The following MTSS1 variants were observed in gnomAD, a reference collection of about 807,000 sequenced individuals.
The protein encoded by MTSS1 is protein MTSS 1.
In MTSS1, 18 loss-of-function variants were observed where a neutral mutation model predicts 79.0. The observed-to-expected ratio is 0.23, with a 90% confidence interval of 0.16 to 0.34. The LOEUF is 0.34. Ranked by LOEUF, MTSS1 falls within the 10% of genes least tolerant of loss-of-function variation. The probability of loss-of-function intolerance (pLI) is 1.00; values close to 1 mark genes in which losing one functional copy is unlikely to be tolerated. For missense variants in MTSS1, 815 were observed against 986.2 expected, an observed-to-expected ratio of 0.83 and a Z score of 2.33; for synonymous variants, 341 against 368.6, an observed-to-expected ratio of 0.93 and a Z score of 0.86.
chr8:124,668,225 C>T (rs1204221323), intron 3 of MTSS1, among the ~76,000 whole-genome samples: 1 of 152,172 alleles, frequency 6.6e-6, no homozygotes, highest in African/African-American at 2.4e-5. Flanking sequence ...TGGTGATTCG[C>T]TTTTTGTTTT....
At chr8:124,714,378 C>T (rs1464358223) in intron 1 of MTSS1, among the ~76,000 whole-genome samples, 3 of 152,244 alleles carry the variant, frequency 2.0e-5, no homozygotes, top group Non-Finnish European at 4.4e-5. Context: ...CAGGGAAGGG[C>T]TTGCCCTCAC....
intron 9 of MTSS1, among the ~76,000 whole-genome samples, chr8:124,564,024 G>C (rs983817084): frequency 6.6e-6 from 1 of 151,522 alleles, no homozygotes; most frequent in Non-Finnish European, 1.5e-5. Context: ...GCAGCTACTT[G>C]GGAGGCCAAG....
chr8:124,667,194 G>A (rs916145095), intron 3 of MTSS1, among the ~76,000 whole-genome samples: 1 of 152,156 alleles, frequency 6.6e-6, no homozygotes, highest in Admixed American at 6.5e-5. Context: ...CTCCCCAGAG[G>A]ATGCAGAGCT....
intron 3 of MTSS1, among the ~76,000 whole-genome samples, chr8:124,605,902 T>C (rs1834748877): frequency 6.6e-6 from 1 of 152,106 alleles, no homozygotes; most frequent in Admixed American, 6.5e-5. Flanking sequence ...GAATGTTGTA[T>C]TCATTTTTTT....
intron 1 of MTSS1, among the ~76,000 whole-genome samples, chr8:124,715,412 C>T (rs1050052575): frequency 6.6e-6 from 1 of 151,418 alleles, no homozygotes; most frequent in Admixed American, 6.6e-5. Flanking sequence ...TCCATATTCC[C>T]TTTTAAACTG....
chr8:124,700,754 C>T (rs954665767), intron 2 of MTSS1, among the ~76,000 whole-genome samples: 6 of 152,098 alleles, frequency 3.9e-5, no homozygotes, highest in African/African-American at 1.4e-4. Flanking sequence ...CAAGCCAGGG[C>T]CATGGATTCC....
intron 1 of MTSS1, among the ~76,000 whole-genome samples, chr8:124,715,685 ATT>A (rs34773142): frequency 4.0e-5 from 6 of 150,314 alleles, no homozygotes; most frequent in Middle Eastern, 3.5e-3. Context: ...TTCCATAGCC[ATT>A]TTTTTTTTAA....
intron 1 of MTSS1, among the ~76,000 whole-genome samples, chr8:124,724,317 T>C (rs1405047003): frequency 6.6e-6 from 1 of 152,106 alleles, no homozygotes; most frequent in African/African-American, 2.4e-5. Context: ...GGAAAGAGGA[T>C]AGTGATGGCA....
chr8:124,570,398 T>C (rs1827492904), intron 6 of MTSS1, among the ~76,000 whole-genome samples: 1 of 152,208 alleles, frequency 6.6e-6, no homozygotes, highest in African/African-American at 2.4e-5. Flanking sequence ...CTTTCCAAAG[T>C]TTCAGCTACC....
At chr8:124,583,144 C>T (rs928969194) in intron 6 of MTSS1, among the ~76,000 whole-genome samples, 2 of 152,170 alleles carry the variant, frequency 1.3e-5, no homozygotes, top group Admixed American at 6.5e-5. Flanking sequence ...GGAAAAGACA[C>T]GGTGCCAGAG....
At chr8:124,674,151 G>A (rs1824836029) in intron 3 of MTSS1, among the ~76,000 whole-genome samples, 1 of 152,012 alleles carries the variant, frequency 6.6e-6, no homozygotes. Context: ...TATTTTTTGA[G>A]ATGGAGCCTC....
At chr8:124,555,084 A>C (rs1423104473) in intron 13 of MTSS1, among the ~76,000 whole-genome samples, 1 of 152,200 alleles carries the variant, frequency 6.6e-6, no homozygotes, top group Non-Finnish European at 1.5e-5. Flanking sequence ...CAGCTCAAGC[A>C]ATCTGCTCAC....
At chr8:124,687,680 G>A (rs1373404605) in intron 3 of MTSS1, among the ~76,000 whole-genome samples, 2 of 152,198 alleles carry the variant, frequency 1.3e-5, no homozygotes, top group Non-Finnish European at 2.9e-5. Flanking sequence ...TGTCAGCCTT[G>A]CAGGCCAGTC....
intron 3 of MTSS1, among the ~76,000 whole-genome samples, chr8:124,641,070 AAAC>A (rs1279443210): frequency 1.3e-5 from 2 of 152,126 alleles, no homozygotes; most frequent in African/African-American, 4.8e-5. Flanking sequence ...AAAAAAAAAA[AAAC>A]AAGTCTGGGG....
intron 1 of MTSS1, among the ~76,000 whole-genome samples, chr8:124,709,740 T>C (rs1830890544): frequency 6.6e-6 from 1 of 152,176 alleles, no homozygotes; most frequent in African/African-American, 2.4e-5. Context: ...GGGTGAGAGA[T>C]GGGGCTTCCC....
In MTSS1 at chr8:124,562,903, T is replaced by C. The variant is rs2303956; in HGVS notation, c.914A>G (p.Asn305Ser). The change falls in exon 10 of 14, where the codon AAC becomes AGC. Residue 305 changes from asparagine (N) to serine (S), a missense_variant. By Grantham distance (46) the Asn-to-Ser change is conservative. Transcript: ENST00000518547. ...PSSHYRYRSSNLAQQAPVRLS... is the reference protein window; with the variant it reads ...PSSHYRYRSSSLAQQAPVRLS... The stretch of plus-strand genomic sequence containing the variant: ...CCTCACAGGAGCCTGCTGGGCCAGG[T>C]TGGAGCTGCGGTAGCGGTAATGTGA... The C allele has an allele frequency of 1.9e-5, 30 of 1,613,690 alleles. No homozygotes were observed. The highest frequency in any genetic ancestry group is 2.2e-5 in the Non-Finnish European group (26 of 1,179,924).
At chr8:124,616,329 G>A (rs1406341988) in intron 3 of MTSS1, among the ~76,000 whole-genome samples, 1 of 139,770 alleles carries the variant, frequency 7.2e-6, no homozygotes, top group Non-Finnish European at 1.5e-5. Flanking sequence ...TGAGGTTTTT[G>A]TCATTGCTGC....
chr8:124,575,921 C>T (rs1828886394), intron 6 of MTSS1, among the ~76,000 whole-genome samples: 1 of 152,100 alleles, frequency 6.6e-6, no homozygotes, highest in East Asian at 1.9e-4. Context: ...TTTACCATTG[C>T]CTTCAACTCT....
chr8:124,565,535 G>T, intron 9 of MTSS1, 127 bp downstream of exon 9: 1 of 763,626 alleles, frequency 1.3e-6, no homozygotes, highest in Non-Finnish European at 2.1e-6. Flanking sequence ...CATTCTTTCA[G>T]CTCATCATCC....
Sources: allele counts gnomAD v4.1 joint callset (sites outside exome capture counted in the v4.1 genomes callset), GRCh38; gene constraint gnomAD v4.1.1; transcripts MANE v1.5; gene names NCBI Gene and HGNC (gene_info 2026-07-23, HGNC 2026-07-21).